The following MAF variants were observed in gnomAD, a reference collection of about 807,000 sequenced individuals.
MAF encodes MAF bZIP transcription factor, also known as transcription factor Maf.
In MAF, 10 loss-of-function variants were observed where a neutral mutation model predicts 22.0. That is an observed-to-expected ratio of 0.45 (90% confidence interval 0.28 to 0.77). The LOEUF is 0.77. Among genes scored for constraint, MAF ranks in the 30% least tolerant of loss-of-function variants. MAF has a pLI of 0.12. For synonymous variants in MAF, 337 were observed against 255.8 expected, an observed-to-expected ratio of 1.32 and a Z score of -3.03; for missense variants, 544 against 548.4, an observed-to-expected ratio of 0.99 and a Z score of 0.08.
chr16:79,302,022 G>A, the MAF span, among the ~76,000 whole-genome samples: 26 of 152,334 alleles, frequency 1.7e-4, no homozygotes, highest in African/African-American at 5.5e-4. Flanking sequence ...TCACAGATAG[G>A]CATGACCTAG....
At chr16:79,506,458 T>TC in the MAF span, among the ~76,000 whole-genome samples, 1 of 152,020 alleles carries the variant, frequency 6.6e-6, no homozygotes, top group African/African-American at 2.4e-5. Context: ...CAGCTGAAGA[T>TC]CCCCAGCCCA....
chr16:79,273,437 T>C, the MAF span, among the ~76,000 whole-genome samples: 3 of 152,226 alleles, frequency 2.0e-5, no homozygotes, highest in Non-Finnish European at 4.4e-5. Flanking sequence ...ACCACAAACT[T>C]GGTGGCTTAA....
chr16:79,210,119 T>G, the MAF span, among the ~76,000 whole-genome samples: 2,488 of 152,306 alleles, frequency 0.016, 25 homozygotes, highest in Middle Eastern at 0.075. Context: ...CCCAAGTCTT[T>G]GTCTCACTCA....
the MAF span, among the ~76,000 whole-genome samples, chr16:79,323,148 A>T: frequency 2.7e-3 from 94 of 34,590 alleles, no homozygotes; most frequent in Non-Finnish European, 4.3e-3. Flanking sequence ...GACTCCATCT[A>T]AAAAAAAAAA....
chr16:79,543,398 T>G, the MAF span, among the ~76,000 whole-genome samples: 1 of 152,166 alleles, frequency 6.6e-6, no homozygotes, highest in African/African-American at 2.4e-5. Context: ...GTGCCTACAG[T>G]AGAGGCTTTC....
chr16:79,526,190 G>A, the MAF span, among the ~76,000 whole-genome samples: 1 of 152,202 alleles, frequency 6.6e-6, no homozygotes, highest in African/African-American at 2.4e-5. Flanking sequence ...TTTGGCACCA[G>A]GAGCCGGTTT....
At chr16:79,454,669 C>T in the MAF span, among the ~76,000 whole-genome samples, 16 of 152,174 alleles carry the variant, frequency 1.1e-4, no homozygotes, top group Non-Finnish European at 2.1e-4. Context: ...TCCCTACACA[C>T]CTGTTCTTTC....
At chr16:79,498,043 C>T in the MAF span, among the ~76,000 whole-genome samples, 2 of 152,204 alleles carry the variant, frequency 1.3e-5, no homozygotes, top group Non-Finnish European at 2.9e-5. Context: ...ACTTTCCATT[C>T]CCTCCTGCCC....
At chr16:79,273,876 G>A in the MAF span, among the ~76,000 whole-genome samples, 2 of 151,318 alleles carry the variant, frequency 1.3e-5, no homozygotes, top group African/African-American at 4.9e-5. Flanking sequence ...GGATATCTTT[G>A]AGGGACTAGT....
chr16:79,316,776 T>C, the MAF span, among the ~76,000 whole-genome samples: 282 of 152,238 alleles, frequency 1.9e-3, 2 homozygotes, highest in Non-Finnish European at 9.7e-4. Flanking sequence ...AGGACACCCA[T>C]GGAAGGACCC....
the MAF span, among the ~76,000 whole-genome samples, chr16:79,282,052 C>T: frequency 6.6e-6 from 1 of 152,072 alleles, no homozygotes; most frequent in South Asian, 2.1e-4. Context: ...CCTGTAATAC[C>T]ATCACTATGG....
intron 1 of MAF, chr16:79,597,410 T>C: frequency 9.7e-7 from 1 of 1,031,512 alleles, no homozygotes; most frequent in Non-Finnish European, 1.2e-6. Flanking sequence ...AGTTTCTCTT[T>C]TTAAAAAATA....
the MAF span, among the ~76,000 whole-genome samples, chr16:79,397,082 T>C: frequency 6.6e-6 from 1 of 152,216 alleles, no homozygotes; most frequent in Non-Finnish European, 1.5e-5. Context: ...CCAGGTAAGT[T>C]GCCAGGATTA....
the MAF span, among the ~76,000 whole-genome samples, chr16:79,413,927 A>G: frequency 6.6e-6 from 1 of 152,156 alleles, no homozygotes; most frequent in Admixed American, 6.5e-5. Flanking sequence ...GTGTGCTGAG[A>G]TGGAAAGAGG....
chr16:79,415,858 T>G, the MAF span, among the ~76,000 whole-genome samples: 10 of 152,086 alleles, frequency 6.6e-5, no homozygotes, highest in East Asian at 1.9e-3. Context: ...CACAAACCCC[T>G]TGACAAATCT....
At chr16:79,351,942 A>G in the MAF span, among the ~76,000 whole-genome samples, 1 of 152,140 alleles carries the variant, frequency 6.6e-6, no homozygotes, top group Non-Finnish European at 1.5e-5. Context: ...CTAGTTTTTC[A>G]CACCCCAAGA....
the MAF span, among the ~76,000 whole-genome samples, chr16:79,566,249 T>C: frequency 6.6e-6 from 1 of 152,102 alleles, no homozygotes; most frequent in Non-Finnish European, 1.5e-5. Context: ...TCCCCATGCA[T>C]CAATATAGGA....
chr16:79,598,530 C>T, intron 1 of MAF: 1 of 1,401,786 alleles, frequency 7.1e-7, no homozygotes, highest in South Asian at 1.5e-5. Flanking sequence ...ACACCCATTC[C>T]CTCCCCAGTT....
chr16:79,519,592 G>C, the MAF span, among the ~76,000 whole-genome samples: 1 of 152,154 alleles, frequency 6.6e-6, no homozygotes, highest in Admixed American at 6.5e-5. Flanking sequence ...CTTGTCATCG[G>C]TAACCATCCA....
Sources: gnomAD v4.1 joint callset for allele counts (sites outside exome capture counted in the v4.1 genomes callset) on GRCh38, gnomAD v4.1.1 for gene constraint, MANE v1.5 for transcripts, NCBI Gene and HGNC (gene_info 2026-07-23, HGNC 2026-07-21) for gene names.